The following ANKS1B variants were observed in gnomAD, a reference collection of about 807,000 sequenced individuals.
ANKS1B encodes the protein ankyrin repeat and sterile alpha motif domain-containing protein 1B.
Under a neutral mutation model 148.3 loss-of-function variants are expected in ANKS1B, and 36 were observed. The observed-to-expected ratio is 0.24, with a 90% confidence interval of 0.19 to 0.32. The LOEUF (loss-of-function observed/expected upper bound fraction) is 0.32. ANKS1B is among the 10% of genes least tolerant of loss of function. The probability of loss-of-function intolerance (pLI) is 1.00; values close to 1 mark genes in which losing one functional copy is unlikely to be tolerated. For synonymous variants in ANKS1B, 542 were observed against 560.8 expected (o/e 0.97, Z 0.47); for missense variants, 1,157 against 1,542.6 (o/e 0.75, Z 4.19).
intron 17 of ANKS1B, among the ~76,000 whole-genome samples, chr12:98,948,355 C>G (rs780730211): frequency 6.6e-6 from 1 of 152,162 alleles, no homozygotes; most frequent in Non-Finnish European, 1.5e-5. Flanking sequence ...GCTGGTTTAT[C>G]TCTAGTTTAA....
intron 18 of ANKS1B, 123 bp downstream of exon 18, chr12:98,831,906 C>T (rs1379545626): frequency 2.3e-6 from 2 of 862,446 alleles, no homozygotes; most frequent in Non-Finnish European, 3.8e-6. Context: ...GGCACAACCA[C>T]ACCTGGCTAA....
At chr12:99,967,390 C>G (rs1028358100) in intron 1 of ANKS1B, among the ~76,000 whole-genome samples, 1 of 152,114 alleles carries the variant, frequency 6.6e-6, no homozygotes, top group Non-Finnish European at 1.5e-5. Context: ...AGTCTGCATT[C>G]AAACTCAAGA....
chr12:98,921,711 T>G (rs574319537), intron 17 of ANKS1B, among the ~76,000 whole-genome samples: 3 of 152,152 alleles, frequency 2.0e-5, no homozygotes, highest in Admixed American at 2.0e-4. Flanking sequence ...TTGATTATAA[T>G]AAATATCTTC....
intron 26 of ANKS1B, among the ~76,000 whole-genome samples, chr12:98,749,196 G>T (rs556969692): frequency 6.6e-5 from 10 of 152,010 alleles, no homozygotes; most frequent in African/African-American, 2.2e-4. Flanking sequence ...CCTCCCGGGT[G>T]CAAGCCATTC....
intron 1 of ANKS1B, among the ~76,000 whole-genome samples, chr12:99,904,879 A>G (rs754602353): frequency 1.3e-5 from 2 of 152,184 alleles, no homozygotes; most frequent in Non-Finnish European, 2.9e-5. Flanking sequence ...TATTGTTACA[A>G]GTATTTCCTC....
chr12:99,231,179 T>G (rs1050680200), intron 14 of ANKS1B, among the ~76,000 whole-genome samples: 1 of 152,050 alleles, frequency 6.6e-6, no homozygotes, highest in African/African-American at 2.4e-5. Context: ...GGGCTATGAC[T>G]CATTTACATA....
At position 99,650,404 on chromosome 12, in the gene ANKS1B, G is replaced by A. The variant is rs893286207; in HGVS notation, c.1272+4663C>T. On this transcript the variant is annotated intron_variant, in intron 9 of 26. Transcript: ENST00000683438. Reference sequence around the variant, plus strand: ...AAATGGTCACCTTGAGACCATACATGTATAATATCTGGAACATAGTAGGCA... The same window carrying A: ...AAATGGTCACCTTGAGACCATACATATATAATATCTGGAACATAGTAGGCA... 7.4e-5 allele frequency among the ~76,000 whole-genome samples: 7 copies of A among 94,264 alleles called. No individual in the cohort carries two copies. In the Admixed American group the frequency reaches 8.0e-4, roughly 11 times the overall value. 61.8% of individuals were successfully genotyped at this position (94,264 alleles called of 152,430 possible). A position where few individuals can be genotyped will look rare whatever the true frequency, so the allele number is the denominator to read the frequency against.
intron 17 of ANKS1B, among the ~76,000 whole-genome samples, chr12:98,967,184 TCTG>T (rs2099878867): frequency 6.6e-6 from 1 of 152,130 alleles, no homozygotes; most frequent in African/African-American, 2.4e-5. Context: ...AAAGGCTCCT[TCTG>T]AGTCAAATAT....
chr12:99,377,746 C>T (rs1163624828), intron 12 of ANKS1B, among the ~76,000 whole-genome samples: 2 of 152,238 alleles, frequency 1.3e-5, no homozygotes, highest in East Asian at 1.9e-4. Flanking sequence ...TGTTTAATCA[C>T]GTTAGTGTTT....
At chr12:99,055,181 ATTCTCCAGGCCTCG>A (rs540490360) in intron 16 of ANKS1B, among the ~76,000 whole-genome samples, 155 of 152,338 alleles carry the variant, frequency 1.0e-3, no homozygotes, top group Non-Finnish European at 1.8e-3. Flanking sequence ...GGCTGGGTAC[ATTCTCCAGGCCTCG>A]TTAAAAGGTG....
rs1330999183 is a variant in ANKS1B, at chr12:99,805,962, T to G, written c.669+442A>C. On this transcript the variant is annotated intron_variant, in intron 4 of 26. Coordinates refer to ENST00000683438, the MANE Select transcript of ANKS1B (RefSeq NM_001352186.2). ...TGATTCCTCATCTCTTAACTGAAAT[T>G]TAATAGTTCTCAATCCCAAAGGACA... is the stretch of plus-strand genomic sequence containing the variant. 3.3e-5 allele frequency among the ~76,000 whole-genome samples: 5 copies of G among 152,204 alleles called. No individual in the cohort carries two copies. In the South Asian group the frequency reaches 8.3e-4, roughly 25 times the overall value.
chr12:99,562,114 G>A (rs2097342847), intron 9 of ANKS1B, among the ~76,000 whole-genome samples: 1 of 152,178 alleles, frequency 6.6e-6, no homozygotes, highest in Admixed American at 6.5e-5. Context: ...CATTGTCAAT[G>A]AGTAGTAATA....
intron 12 of ANKS1B, among the ~76,000 whole-genome samples, chr12:99,308,620 T>C (rs886100662): frequency 2.0e-5 from 3 of 152,034 alleles, no homozygotes; most frequent in South Asian, 4.1e-4. Flanking sequence ...TTTTTCCTCA[T>C]TAATTTTAGA....
chr12:99,264,396 TG>T (rs1170302284), intron 12 of ANKS1B, among the ~76,000 whole-genome samples: 2 of 152,182 alleles, frequency 1.3e-5, no homozygotes, highest in Admixed American at 6.5e-5. Context: ...TCTACTTTAC[TG>T]ACTTGGGTTT....
Position 99,925,461 on chromosome 12 carries a change from T to C in ANKS1B, c.134+58643A>G, listed in dbSNP as rs534673247. 6.6e-5 allele frequency among the ~76,000 whole-genome samples: 10 copies of C among 152,328 alleles called. No individual in the cohort carries two copies. In the South Asian group the frequency reaches 1.9e-3, roughly 28 times the overall value. ...TCCCTGAGAATTCTTAAATATGACC[T>C]AGCCTCCTATCTTTGGGGCTTTAAA... On this transcript the variant is annotated intron_variant, in intron 1 of 26. Coordinates refer to ENST00000683438, the MANE Select transcript of ANKS1B (RefSeq NM_001352186.2).
chr12:99,462,469 G>C (rs1004483238), intron 10 of ANKS1B, among the ~76,000 whole-genome samples: 1 of 152,078 alleles, frequency 6.6e-6, no homozygotes, highest in Non-Finnish European at 1.5e-5. Context: ...CCTTTAACAG[G>C]TGTTGCCTCC....
At chr12:98,939,450 A>G (rs2099831591) in intron 17 of ANKS1B, among the ~76,000 whole-genome samples, 1 of 152,196 alleles carries the variant, frequency 6.6e-6, no homozygotes, top group Admixed American at 6.5e-5. Context: ...CATTGCGGTT[A>G]ATTTTTTTAA....
At chr12:99,860,275 T>C (rs902268147) in intron 1 of ANKS1B, among the ~76,000 whole-genome samples, 2 of 152,146 alleles carry the variant, frequency 1.3e-5, no homozygotes, top group African/African-American at 2.4e-5. Context: ...TTGAGTGGTG[T>C]CCTAAAAGGC....
rs151139000 is a variant in ANKS1B at position 99,551,787 on chromosome 12, T to C, written c.1273-47146A>G. Among the ~76,000 whole-genome samples, 1,454 of 152,292 alleles carry C rather than the reference T, an allele frequency of 9.5e-3. 8 individuals are homozygous for C. Among genetic ancestry groups the C allele is most frequent in the Non-Finnish European group, 0.016 (1,080 of 68,012 alleles). On this transcript the variant is annotated intron_variant, in intron 9 of 26. Transcript: ENST00000683438. Reference sequence around the variant, plus strand: ...AACAGTTCCCTACTAGGTGTCACTATATCCAATATTTACTGTCTCCTAGCC... The same window carrying C: ...AACAGTTCCCTACTAGGTGTCACTACATCCAATATTTACTGTCTCCTAGCC...
Sources: allele counts gnomAD v4.1 joint callset (sites outside exome capture counted in the v4.1 genomes callset), GRCh38; gene constraint gnomAD v4.1.1; transcripts MANE v1.5; gene names NCBI Gene and HGNC (gene_info 2026-07-23, HGNC 2026-07-21).